Variants in SLC30A7 observed in about 807,000 individuals in gnomAD.
SLC30A7 encodes solute carrier family 30 member 7, also known as zinc transporter 7.
In SLC30A7, 35 loss-of-function variants were observed where a neutral mutation model predicts 46.0. The ratio of observed to expected loss-of-function variants is 0.76; its 90% confidence interval spans 0.58 to 1.01. SLC30A7 has a LOEUF of 1.01. Among genes scored for constraint, SLC30A7 ranks in the 50% least tolerant of loss-of-function variants. SLC30A7 has a pLI of 0.00. For synonymous variants in SLC30A7, 147 were observed against 157.8 expected (o/e 0.93, Z 0.51); for missense variants, 464 against 451.1 (o/e 1.03, Z -0.26).
chr1:100,958,104 T>C (rs920316732), intron 8 of SLC30A7, among the ~76,000 whole-genome samples: 3 of 152,198 alleles, frequency 2.0e-5, no homozygotes, highest in Non-Finnish European at 2.9e-5. Flanking sequence ...ATTTTTTTTC[T>C]CTTTCTCCAA....
chr1:100,921,608 G>C (rs1189186291), intron 7 of SLC30A7, 98 bp from the exon 8 acceptor site: 4 of 916,254 alleles, frequency 4.4e-6, no homozygotes, highest in Non-Finnish European at 6.3e-6. Flanking sequence ...TTGATATCTA[G>C]TTTTTTATAT....
the SLC30A7 span, chr1:100,990,700 A>G: frequency 2.1e-6 from 3 of 1,428,666 alleles, no homozygotes; most frequent in Non-Finnish European, 2.9e-6. Context: ...TCAAACAAAC[A>G]TTAGTACCAC....
chr1:100,909,043 ATGTGTGTG>A (rs72292631), intron 3 of SLC30A7, among the ~76,000 whole-genome samples: 4,273 of 148,244 alleles, frequency 0.029, 193 homozygotes, highest in African/African-American at 0.097. Flanking sequence ...TCCTCTCTTT[ATGTGTGTG>A]TGTGTGTGTG....
chr1:100,969,697 A>G (rs559174467), intron 10 of SLC30A7, among the ~76,000 whole-genome samples: 16 of 152,174 alleles, frequency 1.1e-4, no homozygotes, highest in Admixed American at 6.5e-5. Context: ...TTTATCACCT[A>G]AGGTCAAGTC....
At chr1:100,908,342 A>G (rs1651830544) in intron 3 of SLC30A7, among the ~76,000 whole-genome samples, 2 of 152,272 alleles carry the variant, frequency 1.3e-5, no homozygotes, top group South Asian at 4.1e-4. Context: ...TCTAGTTCTA[A>G]TGATGTAAAA....
At chr1:100,972,957 A>C (rs1445215988) in intron 10 of SLC30A7, among the ~76,000 whole-genome samples, 1 of 152,046 alleles carries the variant, frequency 6.6e-6, no homozygotes. Flanking sequence ...ACAGATACTG[A>C]ATTCTGTCTT....
chr1:100,943,588 A>G lies in SLC30A7; in HGVS notation c.843-18240A>G, dbSNP rs1654471242. 3.3e-5 allele frequency among the ~76,000 whole-genome samples: 5 copies of G among 151,878 alleles called. No individual in the cohort carries two copies. In the South Asian group the frequency reaches 1.0e-3, roughly 32 times the overall value. ...AATCATGCCTTGATCTTTCTGCATG[A>G]CCAGCCCACATCCTGAAGCTACCTA... On this transcript the variant is annotated intron_variant, in intron 8 of 10. Coordinates refer to ENST00000357650, the MANE Select transcript of SLC30A7 (RefSeq NM_133496.5).
At chr1:100,941,669 T>C in intron 8 of SLC30A7, 1 of 628,444 alleles carries the variant, frequency 1.6e-6, no homozygotes. Flanking sequence ...GGCACTGGTC[T>C]CTGAGAGTCT....
intron 8 of SLC30A7, among the ~76,000 whole-genome samples, chr1:100,944,586 A>G (rs1283742545): frequency 6.6e-6 from 1 of 151,880 alleles, no homozygotes; most frequent in African/African-American, 2.4e-5. Context: ...TGCATGTGCC[A>G]TGTTGGTTTG....
At chr1:100,898,815 C>T (rs1484734796) in intron 2 of SLC30A7, among the ~76,000 whole-genome samples, 1 of 152,090 alleles carries the variant, frequency 6.6e-6, no homozygotes, top group East Asian at 1.9e-4. Flanking sequence ...GATTAAATTT[C>T]TTCCAAAACT....
At chr1:100,936,991 T>A (rs1278764049) in intron 8 of SLC30A7, among the ~76,000 whole-genome samples, 4 of 152,228 alleles carry the variant, frequency 2.6e-5, no homozygotes, top group Non-Finnish European at 4.4e-5. Flanking sequence ...ATAGATTTAG[T>A]ATATTTACTC....
At chr1:100,939,051 A>G (rs1234791783) in intron 8 of SLC30A7, among the ~76,000 whole-genome samples, 1 of 152,184 alleles carries the variant, frequency 6.6e-6, no homozygotes, top group Non-Finnish European at 1.5e-5. Flanking sequence ...TAACATGATA[A>G]ATTACATGCA....
chr1:100,981,941 C>T (rs562792100), downstream of SLC30A7, among the ~76,000 whole-genome samples: 4 of 152,296 alleles, frequency 2.6e-5, no homozygotes, highest in East Asian at 7.7e-4. Flanking sequence ...ACATTGTGAA[C>T]AGCCTCATTG....
In SLC30A7 at chr1:100,965,894, C is replaced by T; in HGVS notation, c.1059C>T (p.Ser353=). The part of the protein sequence containing the change: ...APDADARWIL[S]QTHNIFTQAG... The stretch of plus-strand genomic sequence containing the variant: ...ATGCTGATGCTAGGTGGATTTTAAG[C>T]CAAACACATAATATTTTTACTCAGG... The change falls in exon 10 of 11, where the codon AGC becomes AGT. Residue 353 remains serine (S), a synonymous_variant. Coordinates refer to ENST00000357650, the MANE Select transcript of SLC30A7 (RefSeq NM_133496.5). 1 of 1,612,886 alleles carries T rather than the reference C, an allele frequency of 6.2e-7. No individual in the cohort carries two copies. Among genetic ancestry groups the T allele is most frequent in the Non-Finnish European group, 8.5e-7 (1 of 1,179,656 alleles).
At chr1:100,962,013 T>G in intron 9 of SLC30A7, 95 bp downstream of exon 9, 1 of 638,640 alleles carries the variant, frequency 1.6e-6, no homozygotes, top group Non-Finnish European at 2.6e-6. Flanking sequence ...TGTGTATAAT[T>G]GACTGTTTCT....
At chr1:100,942,979 G>T (rs1297594937) in intron 8 of SLC30A7, among the ~76,000 whole-genome samples, 1 of 152,182 alleles carries the variant, frequency 6.6e-6, no homozygotes, top group Non-Finnish European at 1.5e-5. Context: ...CCTGTTACGT[G>T]ACTGAGGTCC....
At chr1:100,987,685 A>G in the SLC30A7 span, among the ~76,000 whole-genome samples, 7 of 149,112 alleles carry the variant, frequency 4.7e-5, no homozygotes, top group East Asian at 1.4e-3. Flanking sequence ...TTTTTTTTAA[A>G]CCATAAGCTA....
intron 3 of SLC30A7, 71 bp from the exon 4 acceptor site, chr1:100,910,992 G>A (rs1652051845): frequency 3.4e-6 from 4 of 1,189,680 alleles, no homozygotes; most frequent in South Asian, 2.6e-5. Flanking sequence ...ATCTCTGAAT[G>A]TATGTAATTT....
intron 8 of SLC30A7, among the ~76,000 whole-genome samples, chr1:100,939,251 T>G (rs903864442): frequency 7.9e-5 from 12 of 152,184 alleles, no homozygotes; most frequent in African/African-American, 2.4e-4. Context: ...GTTTTTTTAA[T>G]GCCAAGTGTA....
Sources: gnomAD v4.1 joint callset for allele counts (sites outside exome capture counted in the v4.1 genomes callset) on GRCh38, gnomAD v4.1.1 for gene constraint, MANE v1.5 for transcripts, NCBI Gene and HGNC (gene_info 2026-07-23, HGNC 2026-07-21) for gene names.